RMST: variants seen among roughly 807,000 people sequenced by gnomAD.
RMST encodes long intergenic non-protein coding RNA 54.
In RMST at chr12:97,550,981, G is replaced by A. The variant is rs748780788; in HGVS notation, n.1546-9556G>A. On this transcript the variant is annotated intron_variant and non_coding_transcript_variant, in intron 11 of 13. Transcript: ENST00000640149. ...AAGTGGACAACATTATCACTATTTC[G>A]TAGAAGAGAACACTTAACTAATTGT... 5.3e-5 allele frequency among the ~76,000 whole-genome samples: 8 copies of A among 151,978 alleles called. No individual in the cohort carries two copies. The East Asian group carries it at 5.8e-4, about 11-fold the overall frequency.
At chr12:97,467,379 C>T (rs749672459) in intron 5 of RMST, among the ~76,000 whole-genome samples, 9 of 151,910 alleles carry the variant, frequency 5.9e-5, no homozygotes, top group Non-Finnish European at 1.0e-4. Context: ...AAAATGAAAT[C>T]CTGACATCAA....
chr12:97,504,340 G>T (rs1464302770), intron 10 of RMST, among the ~76,000 whole-genome samples: 2 of 150,852 alleles, frequency 1.3e-5, no homozygotes, highest in African/African-American at 4.9e-5. Flanking sequence ...GGAGGCAGAG[G>T]TTGCAGAGTG....
At chr12:97,537,703 G>A (rs1882177418) in intron 11 of RMST, among the ~76,000 whole-genome samples, 1 of 151,464 alleles carries the variant, frequency 6.6e-6, no homozygotes, top group Non-Finnish European at 1.5e-5. Flanking sequence ...GAGACAGATT[G>A]TTATTCAAGT....
intron 10 of RMST, among the ~76,000 whole-genome samples, chr12:97,523,059 A>G (rs1254990289): frequency 6.6e-6 from 1 of 152,238 alleles, no homozygotes; most frequent in Non-Finnish European, 1.5e-5. Flanking sequence ...AAGGTAAAAT[A>G]TTGTTACTGA....
intron 10 of RMST, among the ~76,000 whole-genome samples, chr12:97,496,733 A>T (rs960935562): frequency 6.6e-5 from 10 of 152,072 alleles, no homozygotes; most frequent in African/African-American, 2.4e-4. Flanking sequence ...GTGAGGAAAA[A>T]CATTAGCCCT....
At chr12:97,478,589 C>A (rs772058159) in intron 5 of RMST, among the ~76,000 whole-genome samples, 5 of 152,078 alleles carry the variant, frequency 3.3e-5, no homozygotes, top group Non-Finnish European at 5.9e-5. Flanking sequence ...TAGACAAACA[C>A]CAGTGAGTAT....
In RMST at chr12:97,540,492, G is replaced by A. The variant is rs1416036381; in HGVS notation, n.1545+9633G>A. ...TGTTCCCTGAAAAGTATAGCACATGGATTAATACACACTTGGATTAATGCA... is the reference window on the plus strand; with the variant it reads ...TGTTCCCTGAAAAGTATAGCACATGAATTAATACACACTTGGATTAATGCA... On this transcript the variant is annotated intron_variant and non_coding_transcript_variant, in intron 11 of 13. Transcript: ENST00000640149. 2.0e-5 allele frequency among the ~76,000 whole-genome samples: 3 copies of A among 151,714 alleles called. No homozygotes were observed. In the East Asian group the frequency reaches 5.8e-4, roughly 29 times the overall value.
intron 10 of RMST, among the ~76,000 whole-genome samples, chr12:97,517,594 A>G (rs1479651055): frequency 1.3e-5 from 2 of 152,168 alleles, no homozygotes; most frequent in East Asian, 3.9e-4. Context: ...CAAATCAATC[A>G]TCTTGAGCAT....
At chr12:97,493,451 A>G (rs1565922524) in intron 7 of RMST, among the ~76,000 whole-genome samples, 2 of 152,208 alleles carry the variant, frequency 1.3e-5, no homozygotes, top group Non-Finnish European at 2.9e-5. Context: ...GAATTTCAAC[A>G]TATACATTTC....
intron 5 of RMST, among the ~76,000 whole-genome samples, chr12:97,486,801 G>T (rs968269457): frequency 6.6e-6 from 1 of 152,076 alleles, no homozygotes; most frequent in African/African-American, 2.4e-5. Flanking sequence ...TTTAATAAAC[G>T]AACAGAGAAA....
At chr12:97,499,044 C>G (rs1045879723) in intron 10 of RMST, among the ~76,000 whole-genome samples, 13 of 152,232 alleles carry the variant, frequency 8.5e-5, no homozygotes, top group African/African-American at 2.9e-4. Flanking sequence ...CTGGGGCTGT[C>G]TATGGGGTTT....
chr12:97,483,713 A>G (rs1399259927), intron 5 of RMST, among the ~76,000 whole-genome samples: 1 of 152,162 alleles, frequency 6.6e-6, no homozygotes, highest in Admixed American at 6.6e-5. Flanking sequence ...AGTGAAAAGG[A>G]GCTGTACCTC....
chr12:97,476,491 A>G (rs143649622), intron 5 of RMST, among the ~76,000 whole-genome samples: 39 of 152,292 alleles, frequency 2.6e-4, no homozygotes, highest in Non-Finnish European at 4.4e-4. Flanking sequence ...TCACCCATGC[A>G]TGATGTTCCA....
chr12:97,536,105 A>G (rs1221455434), intron 11 of RMST, among the ~76,000 whole-genome samples: 1 of 151,488 alleles, frequency 6.6e-6, no homozygotes, highest in African/African-American at 2.4e-5. Context: ...CCTGTTGATA[A>G]ATGTGTCTCT....
chr12:97,519,493 G>A (rs970912275), intron 10 of RMST, among the ~76,000 whole-genome samples: 6 of 152,256 alleles, frequency 3.9e-5, no homozygotes, highest in South Asian at 4.1e-4. Context: ...CATCAAGTGC[G>A]TGACAAATTT....
intron 10 of RMST, among the ~76,000 whole-genome samples, chr12:97,526,062 G>A (rs1347110391): frequency 6.6e-6 from 1 of 151,764 alleles, no homozygotes; most frequent in South Asian, 2.1e-4. Context: ...AACAAGCTCA[G>A]GGCTCCCACT....
At chr12:97,480,190 T>C (rs7315056) in intron 5 of RMST, among the ~76,000 whole-genome samples, 89,641 of 150,670 alleles carry the variant, frequency 0.59, 27,052 homozygotes, top group Middle Eastern at 0.74. Flanking sequence ...TGCGGGTTCA[T>C]GCCATTCTCT....
At chr12:97,535,656 T>A (rs151134186) in intron 11 of RMST, among the ~76,000 whole-genome samples, 2 of 151,772 alleles carry the variant, frequency 1.3e-5, no homozygotes, top group African/African-American at 4.8e-5. Context: ...TTTGGGATAA[T>A]CATAGCATTC....
In RMST at chr12:97,479,638, C is replaced by T. The variant is rs73384739; in HGVS notation, n.645-12823C>T. The stretch of plus-strand genomic sequence containing the variant: ...CCCATTCCCCTGGCTTCCACTGTAC[C>T]ATACCCTCTGGGTGGTCTTCTAATT... On this transcript the variant is annotated intron_variant and non_coding_transcript_variant, in intron 5 of 13. Coordinates refer to ENST00000640149, the Ensembl canonical transcript of RMST. 8.9e-3 allele frequency among the ~76,000 whole-genome samples: 1,361 copies of T among 152,252 alleles called. 32 individuals carry two copies. Among genetic ancestry groups the T allele is most frequent in the African/African-American group, 0.031 (1,293 of 41,542 alleles).
Sources: allele counts gnomAD v4.1 joint callset (sites outside exome capture counted in the v4.1 genomes callset), GRCh38; gene constraint gnomAD v4.1.1; transcripts MANE v1.5; gene names NCBI Gene and HGNC (gene_info 2026-07-23, HGNC 2026-07-21).